RMND5B: variants seen among roughly 807,000 people sequenced by gnomAD.
RMND5B encodes required for meiotic nuclear division 5 homolog B.
RMND5B carries 42 observed loss-of-function variants against 50.4 expected under a neutral mutation model. That is an observed-to-expected ratio of 0.83 (90% CI 0.65 to 1.08). The LOEUF (loss-of-function observed/expected upper bound fraction) is 1.08. Among genes scored for constraint, RMND5B ranks in the 50% least tolerant of loss-of-function variants. The probability of loss-of-function intolerance (pLI) is 0.00; values close to 1 mark genes in which losing one functional copy is unlikely to be tolerated. For missense variants in RMND5B, 463 were observed against 508.5 expected, an observed-to-expected ratio of 0.91 and a Z score of 0.86; for synonymous variants, 220 against 210.0, an observed-to-expected ratio of 1.05 and a Z score of -0.41.
At position 178,137,917 on chromosome 5, in the gene RMND5B, C is replaced by G. The variant is rs953123679; in HGVS notation, c.-12-191C>G. Among the ~76,000 whole-genome samples the G allele has an allele frequency of 2.6e-5, 4 of 152,000 alleles. No individual in the cohort carries two copies. The highest frequency in any genetic ancestry group is 4.8e-5 in the African/African-American group (2 of 41,368). ...CAGCCTGCATCCTCCACTGGGCACC[C>G]CAGTGGAGTGAGGAGATGGGATGTT... On this transcript the variant is annotated intron_variant, in intron 2 of 10. Coordinates refer to ENST00000313386, the MANE Select transcript of RMND5B (RefSeq NM_022762.5). This position sits in a 1 kb window ranked among gnomAD's most constrained non-coding sequence, Gnocchi z 4.4.
intron 2 of RMND5B, chr5:178,135,160 T>C: frequency 8.8e-6 from 1 of 113,486 alleles, no homozygotes; most frequent in Non-Finnish European, 1.8e-5. Context: ...TGTTTTTTGT[T>C]TTTTTGAGAC....
Position 178,147,711 on chromosome 5 carries a change from C to G in RMND5B, c.964-18C>G. 6.2e-7 allele frequency: 1 copy of G among 1,614,126 alleles called. No individual in the cohort carries two copies. On this transcript the variant is annotated intron_variant, in intron 9 of 10. Transcript: ENST00000313386. The stretch of plus-strand genomic sequence containing the variant: ...CATGACAGGAAGTGGAACTCACCCG[C>G]TTCGCTGCCCTTCCCAGATTGAGAT...
At chr5:178,144,453 G>GA (rs968652307) in intron 7 of RMND5B, among the ~76,000 whole-genome samples, 86 of 144,200 alleles carry the variant, frequency 6.0e-4, no homozygotes, top group Middle Eastern at 3.6e-3. Flanking sequence ...AGTCCTTTAA[G>GA]AAAAAAAAAA....
chr5:178,143,161 A>G (rs933722045), intron 5 of RMND5B, among the ~76,000 whole-genome samples, 169 bp downstream of exon 5: 2 of 152,242 alleles, frequency 1.3e-5, no homozygotes, highest in African/African-American at 4.8e-5. Flanking sequence ...TGAAAAGAGA[A>G]GTTACTCATT....
At chr5:178,134,297 A>C (rs1274517211) in intron 2 of RMND5B, among the ~76,000 whole-genome samples, 2 of 152,260 alleles carry the variant, frequency 1.3e-5, no homozygotes, top group Non-Finnish European at 2.9e-5. Context: ...TATACAAAGA[A>C]GTGCAGAGGG....
At chr5:178,132,575 A>C (rs1361951798) in intron 2 of RMND5B, among the ~76,000 whole-genome samples, 2 of 150,948 alleles carry the variant, frequency 1.3e-5, no homozygotes, top group Admixed American at 6.6e-5. Context: ...TGAACTCAGG[A>C]GTGTTCATGG....
chr5:178,140,596 G>A (rs1581119756), intron 3 of RMND5B, among the ~76,000 whole-genome samples: 1 of 152,004 alleles, frequency 6.6e-6, no homozygotes, highest in East Asian at 1.9e-4. Flanking sequence ...TTGGGAGGCT[G>A]AGGCGGGCGG....
chr5:178,142,445 G>A, intron 3 of RMND5B, 138 bp from the exon 4 acceptor site: 1 of 978,296 alleles, frequency 1.0e-6, no homozygotes, highest in South Asian at 1.6e-5. Context: ...ACCTGGAAGA[G>A]AAGCTAGTTC....
At chr5:178,145,342 C>T (rs1002697960) in intron 7 of RMND5B, among the ~76,000 whole-genome samples, 1 of 151,598 alleles carries the variant, frequency 6.6e-6, no homozygotes, top group African/African-American at 2.4e-5. Context: ...AAAAATTAGC[C>T]GGGCGTGGTG....
At chr5:178,142,500 C>A in intron 3 of RMND5B, 83 bp from the exon 4 acceptor site, 1 of 1,473,454 alleles carries the variant, frequency 6.8e-7, no homozygotes, top group Non-Finnish European at 9.2e-7. Flanking sequence ...ACGGGGCTGG[C>A]ATTTAGAATA....
Position 178,144,124 on chromosome 5 carries a change from G to T in RMND5B, c.694+16G>T. On this transcript the variant is annotated intron_variant, in intron 7 of 10. Transcript: ENST00000313386. ...CACCAGCGGGGTGAGTGCCCAGGCA[G>T]CTGGGGTTGTGCTGCCTGGCCTGAC... The T allele has an allele frequency of 1.9e-6, 3 of 1,610,256 alleles. No individual in the cohort carries two copies. Among genetic ancestry groups the T allele is most frequent in the Non-Finnish European group, 2.5e-6 (3 of 1,177,644 alleles).
chr5:178,138,063 G>T lies in RMND5B; in HGVS notation c.-12-45G>T, dbSNP rs549614941. The T allele has an allele frequency of 6.5e-7, 1 of 1,532,734 alleles. No individual in the cohort carries two copies. The highest frequency in any genetic ancestry group is 8.8e-7 in the Non-Finnish European group (1 of 1,138,588). The allele number at this position is 1,532,734 out of a possible 1,614,324, so 94.9% of individuals were successfully genotyped here. On this transcript the variant is annotated intron_variant, in intron 2 of 10. Coordinates refer to ENST00000313386, the MANE Select transcript of RMND5B (RefSeq NM_022762.5). The surrounding 1 kb of genome is among the most constrained non-coding windows in gnomAD (Gnocchi z 5.1). ...GTGGTCTGGGCACCCTGCCTGCCAT[G>T]CCACCGTGGCCCAGATGGGGCCTGA...
intron 3 of RMND5B, among the ~76,000 whole-genome samples, chr5:178,139,672 T>C (rs529319576): frequency 1.3e-4 from 20 of 151,928 alleles, no homozygotes; most frequent in African/African-American, 4.3e-4. Flanking sequence ...GCCTCGCAAG[T>C]TGCTGGGTTT....
intron 2 of RMND5B, among the ~76,000 whole-genome samples, chr5:178,134,024 A>T (rs1266259004): frequency 2.0e-5 from 3 of 152,164 alleles, no homozygotes; most frequent in Non-Finnish European, 4.4e-5. Flanking sequence ...CAATCAACAA[A>T]TGTTTACTGA....
In RMND5B at chr5:178,142,633, T is replaced by G; in HGVS notation, c.190T>G (p.Cys64Gly). Reference protein sequence around the residue: ...SATLSLVMSQCCRKIKDTVQK... With the variant: ...SATLSLVMSQGCRKIKDTVQK... ...CACCCTCTCTCTGGTGATGTCACAG[T>G]GCTGCCGGAAGATCAAAGATACGGT... Residue 64 changes from cysteine (C) to glycine (G), a missense_variant, in exon 4 of 11, where the codon TGC becomes GGC. Physicochemically the swap from Cys to Gly is radical, Grantham distance 159 (BLOSUM62 -3). Coordinates refer to ENST00000313386, the MANE Select transcript of RMND5B (RefSeq NM_022762.5). 1 of 1,614,202 alleles carries G rather than the reference T, an allele frequency of 6.2e-7. No individual in the cohort carries two copies.
chr5:178,134,787 C>T (rs1047022988), intron 2 of RMND5B, among the ~76,000 whole-genome samples: 13 of 149,062 alleles, frequency 8.7e-5, no homozygotes, highest in African/African-American at 1.2e-4. Flanking sequence ...GCCAAAATGG[C>T]GAAACCCCGT....
chr5:178,147,635 G>A lies in RMND5B; in HGVS notation c.963G>A (p.Pro321=), dbSNP rs769358455. 4.3e-6 allele frequency: 7 copies of A among 1,614,068 alleles called. No individual in the cohort carries two copies. In the East Asian group the frequency reaches 6.7e-5, roughly 15 times the overall value. ...TCTGGAATCACAAGGACGAGTTACC[G>A]GTGAGGCCTGGTCTGGGGAATCGTG... ...TGVWNHKDEL[P]IEIELGMKCW... The change falls in exon 9 of 11, where the codon CCG becomes CCA. Residue 321 remains proline (P), a splice_region_variant and synonymous_variant. Transcript: ENST00000313386.
At chr5:178,142,521 C>A in intron 3 of RMND5B, 62 bp from the exon 4 acceptor site, 1 of 1,552,036 alleles carries the variant, frequency 6.4e-7, no homozygotes, top group Non-Finnish European at 8.7e-7. Flanking sequence ...GAGCTAAGGT[C>A]TGCTGCCAAG....
intron 7 of RMND5B, among the ~76,000 whole-genome samples, chr5:178,145,250 G>T (rs1581127803): frequency 6.6e-6 from 1 of 151,994 alleles, no homozygotes; most frequent in African/African-American, 2.4e-5. Context: ...ACTTTGGGAG[G>T]CTGAGGCGGG....
Sources: allele counts gnomAD v4.1 joint callset (sites outside exome capture counted in the v4.1 genomes callset), GRCh38; gene constraint gnomAD v4.1.1; non-coding constraint Gnocchi (gnomAD v3.1); transcripts MANE v1.5; gene names NCBI Gene and HGNC (gene_info 2026-07-23, HGNC 2026-07-21).